Variants in CTBP2 observed in about 807,000 individuals in gnomAD.
CTBP2 encodes C-terminal binding protein 2.
CTBP2 carries 30 observed loss-of-function variants against 80.3 expected under a neutral mutation model. The ratio of observed to expected loss-of-function variants is 0.37; its 90% CI spans 0.28 to 0.51. The LOEUF (loss-of-function observed/expected upper bound fraction) is 0.51. Ranked by LOEUF, CTBP2 falls within the 20% of genes least tolerant of loss-of-function variation. The pLI, the probability that CTBP2 is intolerant of heterozygous loss-of-function variation, is 0.93. For missense variants in CTBP2, 1,212 were observed against 1,375.3 expected, an observed-to-expected ratio of 0.88 and a Z score of 1.88; for synonymous variants, 594 against 587.4, an observed-to-expected ratio of 1.01 and a Z score of -0.16.
intron 1 of CTBP2, among the ~76,000 whole-genome samples, chr10:125,116,907 C>T (rs1353370954): frequency 1.3e-5 from 2 of 152,348 alleles, no homozygotes; most frequent in Non-Finnish European, 2.9e-5. Flanking sequence ...GACCTGCCTA[C>T]AGCAGCATGA....
Position 125,154,069 on chromosome 10 carries a change from G to C in CTBP2, c.-206+6250C>G, listed in dbSNP as rs1860490607. 2.0e-5 allele frequency among the ~76,000 whole-genome samples: 3 copies of C among 152,258 alleles called. No individual in the cohort carries two copies. The South Asian group carries it at 6.2e-4, about 31-fold the overall frequency. On this transcript the variant is annotated intron_variant, in intron 1 of 10. Transcript: ENST00000337195. ...CTATTTCCAGACAATCTTTAAGGCA[G>C]CTGACAGTTTCTTTTAGTCATAATT...
upstream of CTBP2, among the ~76,000 whole-genome samples, chr10:125,161,388 C>T (rs1422360016): frequency 1.3e-5 from 2 of 152,076 alleles, no homozygotes; most frequent in Non-Finnish European, 2.9e-5. Context: ...ACGTGGGGTA[C>T]CGGGCAGCCG....
At position 125,002,198 on chromosome 10, in the gene CTBP2, G is replaced by A. The variant is rs61870309; in HGVS notation, c.1978+762C>T. Among the ~76,000 whole-genome samples, 888 of 152,302 alleles carry A rather than the reference G, an allele frequency of 5.8e-3. 13 individuals are homozygous for A. The highest frequency in any genetic ancestry group is 4.4e-3 in the Non-Finnish European group (296 of 68,024). On this transcript the variant is annotated intron_variant, in intron 3 of 8. Transcript: ENST00000309035. Reference sequence around the variant, plus strand: ...CCCACCCCCAAAATGCAGGGGTGGCGTGTTCCAAACACAGAGCAAGCACAG... The same window carrying A: ...CCCACCCCCAAAATGCAGGGGTGGCATGTTCCAAACACAGAGCAAGCACAG...
At chr10:125,014,505 C>T (rs76269299) in intron 1 of CTBP2, among the ~76,000 whole-genome samples, 3,083 of 152,324 alleles carry the variant, frequency 0.02, 112 homozygotes, top group African/African-American at 0.069. Flanking sequence ...TCTATGTCAA[C>T]TTGGCCCTTA....
At chr10:125,056,699 A>T (rs1205298459) in intron 2 of CTBP2, among the ~76,000 whole-genome samples, 2 of 152,254 alleles carry the variant, frequency 1.3e-5, no homozygotes, top group Non-Finnish European at 2.9e-5. Context: ...GAGTCAGGTC[A>T]GATGACAGTC....
chr10:125,114,667 T>C (rs1024515920), intron 1 of CTBP2, among the ~76,000 whole-genome samples: 44 of 152,196 alleles, frequency 2.9e-4, no homozygotes, highest in African/African-American at 9.9e-4. Context: ...TAAAAAGGTC[T>C]TGATGGGGGC....
chr10:125,152,327 C>A (rs1378121838), intron 1 of CTBP2, among the ~76,000 whole-genome samples: 2 of 152,192 alleles, frequency 1.3e-5, no homozygotes, highest in Admixed American at 6.5e-5. Flanking sequence ...AGACCCCGCC[C>A]CCTCCAGGTA....
At chr10:125,159,042 G>A (rs1038838664) in intron 1 of CTBP2, among the ~76,000 whole-genome samples, 1 of 151,604 alleles carries the variant, frequency 6.6e-6, no homozygotes, top group African/African-American at 2.4e-5. Flanking sequence ...CGGGAGAAAG[G>A]CCCAGGCACG....
At chr10:125,085,042 G>A (rs756497906) in intron 2 of CTBP2, among the ~76,000 whole-genome samples, 11 of 152,106 alleles carry the variant, frequency 7.2e-5, no homozygotes, top group African/African-American at 1.9e-4. Flanking sequence ...CCGACCTGGC[G>A]CACCTCCAGC....
At chr10:125,010,768 G>A (rs959880903) in intron 1 of CTBP2, among the ~76,000 whole-genome samples, 51 of 152,144 alleles carry the variant, frequency 3.4e-4, no homozygotes, top group Non-Finnish European at 3.4e-4. Flanking sequence ...AATGAGTGCC[G>A]GGGAATTTAA....
Position 124,998,060 on chromosome 10 carries a change from G to A in CTBP2, c.2089C>T (p.Arg697Trp), listed in dbSNP as rs74523764. The change falls in exon 4 of 9, where the codon CGG becomes TGG. Residue 697 changes from arginine to tryptophan, a missense_variant. Transcript: ENST00000309035. ...ACGCTCTGAACCCGCGTGCCTTCCCGCAGTGCCTGGTACAGCCACGTGTTC... is the reference window on the plus strand; with the variant it reads ...ACGCTCTGAACCCGCGTGCCTTCCCACAGTGCCTGGTACAGCCACGTGTTC... The A allele has an allele frequency of 5.6e-6, 9 of 1,613,094 alleles. No individual in the cohort carries two copies. The highest frequency in any genetic ancestry group is 1.1e-5 in the South Asian group (1 of 90,978).
Position 125,118,999 on chromosome 10 carries a change from C to T in CTBP2, c.-205-7906G>A, listed in dbSNP as rs557123419. On this transcript the variant is annotated intron_variant, in intron 1 of 10. Transcript: ENST00000337195. ...GGCTCACTCCAACTGGTGGCCACTA[C>T]TAACCAGCTGGGGCATCCTGGTGTC... Among the ~76,000 whole-genome samples the T allele has an allele frequency of 3.9e-5, 6 of 152,368 alleles. No homozygotes were observed. The South Asian group carries it at 1.0e-3, about 26-fold the overall frequency.
chr10:125,014,155 G>T (rs1206156551), intron 1 of CTBP2, among the ~76,000 whole-genome samples: 1 of 152,196 alleles, frequency 6.6e-6, no homozygotes, highest in Non-Finnish European at 1.5e-5. Flanking sequence ...ATAGTAACAC[G>T]TGTGTGCTGG....
chr10:125,001,996 G>A (rs572352623), intron 3 of CTBP2, among the ~76,000 whole-genome samples: 11 of 152,184 alleles, frequency 7.2e-5, no homozygotes, highest in African/African-American at 1.9e-4. Flanking sequence ...CACCCAGCCC[G>A]TCCCGGAAGC....
intron 2 of CTBP2, among the ~76,000 whole-genome samples, chr10:125,069,601 C>T (rs1845149399): frequency 6.6e-6 from 1 of 152,200 alleles, no homozygotes; most frequent in Non-Finnish European, 1.5e-5. Flanking sequence ...GCCTGGGCGA[C>T]AGAGTGAGAC....
At chr10:125,041,981 TGGGGGA>T (rs1242435257) in intron 2 of CTBP2, among the ~76,000 whole-genome samples, 2 of 84,952 alleles carry the variant, frequency 2.4e-5, no homozygotes, top group African/African-American at 4.4e-5. Context: ...GGGGTGGGGG[TGGGGGA>T]GGGGGGTCAC....
intron 2 of CTBP2, among the ~76,000 whole-genome samples, chr10:125,101,902 A>G (rs1266230778): frequency 2.0e-5 from 3 of 152,120 alleles, no homozygotes; most frequent in South Asian, 2.1e-4. Flanking sequence ...ACATCCATAC[A>G]TTGCATTGTG....
chr10:125,044,265 T>G (rs1165827129), intron 2 of CTBP2, among the ~76,000 whole-genome samples: 1 of 152,182 alleles, frequency 6.6e-6, no homozygotes, highest in Non-Finnish European at 1.5e-5. Context: ...TGTGCCAAGA[T>G]GAGGAGACAG....
Position 125,027,182 on chromosome 10 carries a change from T to A in CTBP2, c.578A>T (p.Gln193Leu). Reference sequence around the variant, plus strand: ...CTCCGCCCCATACCTGGTGTCGGGCTGCTCCCGTCCATACCGCCCGGGAGA... The same window carrying A: ...CTCCGCCCCATACCTGGTGTCGGGCAGCTCCCGTCCATACCGCCCGGGAGA... Residue 193 changes from glutamine (Q) to leucine (L), a missense_variant, in exon 1 of 9, where the codon CAG (glutamine) becomes CTG (leucine). By Grantham distance (113) the Gln-to-Leu change is moderately radical. This residue lies in a region of CTBP2 where 848 missense variants were observed against 782.3 expected (regional missense o/e 1.08). Transcript: ENST00000309035. 11 of 1,606,118 alleles carry A rather than the reference T, an allele frequency of 6.8e-6. No individual in the cohort carries two copies. The highest frequency in any genetic ancestry group is 9.4e-6 in the Non-Finnish European group (11 of 1,174,020).
Sources: allele counts gnomAD v4.1 joint callset (sites outside exome capture counted in the v4.1 genomes callset), GRCh38; gene constraint gnomAD v4.1.1; regional missense constraint gnomAD v4.1.1; transcripts MANE v1.5; gene names NCBI Gene and HGNC (gene_info 2026-07-23, HGNC 2026-07-21).